The following MYRF variants were observed in gnomAD, a reference collection of about 807,000 sequenced individuals.
MYRF encodes myelin gene regulatory factor.
MYRF carries 16 observed loss-of-function variants against 126.3 expected under a neutral mutation model. That is an observed-to-expected ratio of 0.13 (90% CI 0.09 to 0.19). MYRF has a LOEUF of 0.19. Ranked by LOEUF, MYRF falls within the 10% of genes least tolerant of loss-of-function variation. The pLI, the probability that MYRF is intolerant of heterozygous loss-of-function variation, is 1.00. For missense variants in MYRF, 1,104 were observed against 1,547.0 expected (o/e 0.71, Z 4.80); for synonymous variants, 608 against 635.3 (o/e 0.96, Z 0.65).
At position 61,781,173 on chromosome 11, in the gene MYRF, G is replaced by T; in HGVS notation, c.2608G>T (p.Ala870Ser). ...TSLTSSAPGS[A>S]VRTLDMCSSH... ...CCTCACCAGCTCGGCCCCAGGTTCT[G>T]CTGTCCGCACCTTGGACATGTGTTC... The change falls in exon 21 of 27, where the codon GCT becomes TCT. Residue 870 changes from alanine to serine, a missense_variant. By Grantham distance (99) the Ala-to-Ser change is moderately conservative. Coordinates refer to ENST00000278836, the MANE Select transcript of MYRF (RefSeq NM_001127392.3). 1.2e-6 allele frequency: 2 copies of T among 1,613,860 alleles called. No homozygotes were observed. Among genetic ancestry groups the T allele is most frequent in the Non-Finnish European group, 1.7e-6 (2 of 1,180,012 alleles).
chr11:61,777,614 A>G lies in MYRF; in HGVS notation c.1792-120A>G. On this transcript the variant is annotated intron_variant, in intron 12 of 26. Coordinates refer to ENST00000278836, the MANE Select transcript of MYRF (RefSeq NM_001127392.3). The surrounding 1 kb of genome is among the most constrained non-coding windows in gnomAD (Gnocchi z 8.8). ...GCTGGCCTCGAATCCCGATCTAACC[A>G]CTCCAGTGGTGGGGTCTCCTCTCCA... 7.7e-7 allele frequency: 1 copy of G among 1,303,254 alleles called. No homozygotes were observed. The highest frequency in any genetic ancestry group is 2.1e-5 in the Admixed American group (1 of 46,572). The allele number at this position is 1,303,254 out of a possible 1,614,324, so 80.7% of individuals were successfully genotyped here.
Position 61,772,252 on chromosome 11 carries a change from C to T in MYRF, c.1115+300C>T, listed in dbSNP as rs369053433. Among the ~76,000 whole-genome samples, 318 of 152,288 alleles carry T rather than the reference C, an allele frequency of 2.1e-3. 11 individuals carry two copies. The South Asian group carries it at 0.065, about 31-fold the overall frequency. On this transcript the variant is annotated intron_variant, in intron 7 of 26. Transcript: ENST00000278836. ...CTTCCCCACCTCCTCCCTCTGCATTCCAGGAAGGTAGCCGGAAGCTGAGCC... is the reference window on the plus strand; with the variant it reads ...CTTCCCCACCTCCTCCCTCTGCATTTCAGGAAGGTAGCCGGAAGCTGAGCC...
chr11:61,776,249 T>G lies in MYRF; in HGVS notation c.1389-73T>G. On this transcript the variant is annotated intron_variant, in intron 9 of 26. Coordinates refer to ENST00000278836, the MANE Select transcript of MYRF (RefSeq NM_001127392.3). The surrounding 1 kb of genome is among the most constrained non-coding windows in gnomAD (Gnocchi z 4.3). ...GTCCGCCTCATGTACGTTGCTGGCC[T>G]GGGTGCCCCTCAGTGGCGTGGCTCT... 6.4e-7 allele frequency: 1 copy of G among 1,565,046 alleles called. No individual in the cohort carries two copies. The highest frequency in any genetic ancestry group is 8.8e-7 in the Non-Finnish European group (1 of 1,142,000).
intron 1 of MYRF, among the ~76,000 whole-genome samples, chr11:61,761,414 A>G (rs953836752): frequency 1.3e-4 from 20 of 152,128 alleles, no homozygotes; most frequent in Admixed American, 1.2e-3. Flanking sequence ...AGACGAGGAG[A>G]GAAGAGCGGA....
At chr11:61,755,544 G>C in intron 1 of MYRF, 2 of 1,412,548 alleles carry the variant, frequency 1.4e-6, no homozygotes, top group Non-Finnish European at 2.0e-6. Flanking sequence ...GAGTTCTGGT[G>C]CAGGCTGGAC....
At chr11:61,755,382 C>T (rs770526531) in intron 1 of MYRF, 65 of 1,592,040 alleles carry the variant, frequency 4.1e-5, no homozygotes, top group African/African-American at 6.7e-5. Context: ...CAGCCCAGAT[C>T]GGCGGGCACA....
At chr11:61,780,159 C>A in intron 17 of MYRF, 63 bp from the exon 18 acceptor site, 1 of 1,571,530 alleles carries the variant, frequency 6.4e-7, no homozygotes, top group South Asian at 1.1e-5. Context: ...ACAGCCTTGT[C>A]CTAGAGAGAG....
Position 61,777,656 on chromosome 11 carries a change from C to A in MYRF, c.1792-78C>A. ...TCCTCTCCACACTGCAGCCTCCAGG[C>A]TGCCGCCCTCCTGGGCTCCGGGGCC... is the stretch of plus-strand genomic sequence containing the variant. On this transcript the variant is annotated intron_variant, in intron 12 of 26. Transcript: ENST00000278836. This position sits in a 1 kb window ranked among gnomAD's most constrained non-coding sequence, Gnocchi z 8.8. 1 of 1,430,186 alleles carries A rather than the reference C, an allele frequency of 7.0e-7. No individual in the cohort carries two copies. Among genetic ancestry groups the A allele is most frequent in the Non-Finnish European group, 9.6e-7 (1 of 1,045,832 alleles). The allele number at this position is 1,430,186 out of a possible 1,614,324, so 88.6% of individuals were successfully genotyped here.
intron 25 of MYRF, chr11:61,784,613 C>T (rs998861787): frequency 1.9e-5 from 10 of 534,514 alleles, no homozygotes; most frequent in African/African-American, 7.6e-5. Flanking sequence ...GTGCTGGAGA[C>T]GTGGGGAAGA....
rs1310547158 is a variant in MYRF, at chr11:61,770,318, C to T, written c.533C>T (p.Pro178Leu). 13 of 1,592,442 alleles carry T rather than the reference C, an allele frequency of 8.2e-6. No homozygotes were observed. Among genetic ancestry groups the T allele is most frequent in the African/African-American group, 1.3e-5 (1 of 74,188 alleles). Residue 178 changes from proline to leucine, a missense_variant, in exon 5 of 27, where the codon CCG (proline) becomes CTG (leucine). By Grantham distance (98) the Pro-to-Leu change is moderately conservative. This residue lies in a region of MYRF where 368 missense variants were observed against 403.9 expected (regional missense o/e 0.91). Transcript: ENST00000278836. ...HVGVPSRLEH[P>L]PPPPAHLPGP... Reference sequence around the variant, plus strand: ...GGAGTGCCCTCCCGCCTGGAGCATCCGCCCCCACCTCCAGCCCACTTGCCA... The same window carrying T: ...GGAGTGCCCTCCCGCCTGGAGCATCTGCCCCCACCTCCAGCCCACTTGCCA...
Position 61,786,519 on chromosome 11 carries a change from G to C in MYRF, c.*376G>C. ...CCCATTCTCCCTTGCCTCCCCTTTT[G>C]AGACTGGAGCCAACCCTTTTGGAGA... On this transcript the variant is annotated 3_prime_UTR_variant, in exon 27 of 27. Transcript: ENST00000278836. This position sits in a 1 kb window ranked among gnomAD's most constrained non-coding sequence, Gnocchi z 4.5. The C allele has an allele frequency of 3.9e-6, 1 of 257,046 alleles. No individual in the cohort carries two copies. The highest frequency in any genetic ancestry group is 7.6e-6 in the Non-Finnish European group (1 of 130,946). 15.9% of individuals were successfully genotyped at this position (257,046 alleles called of 1,614,324 possible).
At chr11:61,753,051 C>G (rs2065650340) in intron 1 of MYRF, among the ~76,000 whole-genome samples, 1 of 152,116 alleles carries the variant, frequency 6.6e-6, no homozygotes, top group Non-Finnish European at 1.5e-5. Flanking sequence ...CAGGTCCGGA[C>G]TCCTTTGAGC....
intron 1 of MYRF, among the ~76,000 whole-genome samples, chr11:61,764,373 C>T (rs1591088844): frequency 6.6e-6 from 1 of 152,342 alleles, no homozygotes; most frequent in East Asian, 1.9e-4. Context: ...CATCTCGTTT[C>T]ATACTCAAAA....
chr11:61,762,698 G>C (rs1263537517), intron 1 of MYRF, among the ~76,000 whole-genome samples: 1 of 152,178 alleles, frequency 6.6e-6, no homozygotes, highest in Non-Finnish European at 1.5e-5. Context: ...GGGCGGGCTG[G>C]GGGCCGAGCG....
At chr11:61,764,761 G>A (rs2050302103) in intron 1 of MYRF, among the ~76,000 whole-genome samples, 1 of 152,242 alleles carries the variant, frequency 6.6e-6, no homozygotes, top group Non-Finnish European at 1.5e-5. Context: ...ATGCCCAAGA[G>A]CCCTGGCTGC....
At chr11:61,764,084 G>T (rs538298802) in intron 1 of MYRF, among the ~76,000 whole-genome samples, 1 of 152,238 alleles carries the variant, frequency 6.6e-6, no homozygotes, top group Non-Finnish European at 1.5e-5. Flanking sequence ...ACGGCCATTG[G>T]TGGTGCGTGG....
chr11:61,761,230 GCC>G (rs2065887071), intron 1 of MYRF, among the ~76,000 whole-genome samples: 1 of 146,500 alleles, frequency 6.8e-6, no homozygotes, highest in Non-Finnish European at 1.5e-5. Flanking sequence ...CGGGACAATG[GCC>G]GAGACTCAGC....
intron 25 of MYRF, chr11:61,785,546 C>T (rs1298195976): frequency 5.4e-6 from 3 of 554,534 alleles, no homozygotes; most frequent in Non-Finnish European, 9.8e-6. Flanking sequence ...CCCAGCACAA[C>T]AGGACTGGGA....
chr11:61,770,470 C>T lies in MYRF; in HGVS notation c.685C>T (p.His229Tyr), dbSNP rs866967295. ...GCAGGGGCTGGTGCCCACTGATCTT[C>T]ACCACACCCAGCAGTCCCAGATGCT... ...MGQGLVPTDL[H>Y]HTQQSQMLHQ... The change falls in exon 5 of 27, where the codon CAC (histidine) becomes TAC (tyrosine). Residue 229 changes from histidine to tyrosine, a missense_variant. Transcript: ENST00000278836. 1 of 1,563,496 alleles carries T rather than the reference C, an allele frequency of 6.4e-7. No individual in the cohort carries two copies. The highest frequency in any genetic ancestry group is 2.4e-5 in the East Asian group (1 of 41,964).
Sources: gnomAD v4.1 joint callset for allele counts (sites outside exome capture counted in the v4.1 genomes callset) on GRCh38, gnomAD v4.1.1 for gene constraint, gnomAD v4.1.1 regional missense constraint, Gnocchi (gnomAD v3.1) non-coding constraint, MANE v1.5 for transcripts, NCBI Gene and HGNC (gene_info 2026-07-23, HGNC 2026-07-21) for gene names.